Variants in PLA2R1 observed in about 807,000 individuals in gnomAD.
PLA2R1 encodes the protein phospholipase A2 receptor 1.
In PLA2R1, 158 loss-of-function variants were observed where a neutral mutation model predicts 195.9. The observed-to-expected ratio is 0.81, with a 90% confidence interval of 0.71 to 0.92. The LOEUF (loss-of-function observed/expected upper bound fraction) is 0.92, where lower values mean the gene tolerates loss of function less well. Ranked by LOEUF, PLA2R1 falls within the 40% of genes least tolerant of loss-of-function variation. PLA2R1 has a pLI of 0.00. For missense variants in PLA2R1, 1,626 were observed against 1,764.6 expected (o/e 0.92, Z 1.41); for synonymous variants, 586 against 598.2 (o/e 0.98, Z 0.30).
At chr2:159,957,130 G>A (rs1452571255) in intron 20 of PLA2R1, among the ~76,000 whole-genome samples, 1 of 152,128 alleles carries the variant, frequency 6.6e-6, no homozygotes, top group African/African-American at 2.4e-5. Context: ...CAGCCATTTG[G>A]TCACTAAGTC....
intron 20 of PLA2R1, among the ~76,000 whole-genome samples, chr2:159,961,114 A>G (rs1688406165): frequency 6.6e-6 from 1 of 152,168 alleles, no homozygotes; most frequent in South Asian, 2.1e-4. Flanking sequence ...TCTCAAAAAT[A>G]TTTCCCTTTT....
chr2:159,976,481 T>A lies in PLA2R1; in HGVS notation c.2437+204A>T, dbSNP rs371603897. On this transcript the variant is annotated intron_variant, in intron 16 of 29. Coordinates refer to ENST00000283243, the MANE Select transcript of PLA2R1 (RefSeq NM_007366.5). The stretch of plus-strand genomic sequence containing the variant: ...GTACATATTCTAAAATCGCATGTCA[T>A]GAAAATGATTGATGATACTAGTCCT... 2.6e-5 allele frequency among the ~76,000 whole-genome samples: 4 copies of A among 152,296 alleles called. 1 individual carries two copies. The highest frequency in any genetic ancestry group is 9.6e-5 in the African/African-American group (4 of 41,564).
chr2:160,055,967 C>A (rs906167445), intron 1 of PLA2R1, among the ~76,000 whole-genome samples: 3 of 152,136 alleles, frequency 2.0e-5, no homozygotes, highest in South Asian at 4.2e-4. Context: ...CAGCTACCCC[C>A]CTTCCTCGCC....
intron 1 of PLA2R1, among the ~76,000 whole-genome samples, chr2:160,054,692 G>A (rs923477117): frequency 2.6e-5 from 4 of 152,070 alleles, no homozygotes; most frequent in Non-Finnish European, 5.9e-5. Flanking sequence ...TTTCTTGAGT[G>A]GCTTTATAAA....
chr2:160,050,576 C>T (rs1695156492), intron 1 of PLA2R1, among the ~76,000 whole-genome samples: 1 of 152,068 alleles, frequency 6.6e-6, no homozygotes, highest in African/African-American at 2.4e-5. Flanking sequence ...TGTTGCCAAA[C>T]ATTTTGAAGT....
At chr2:160,058,050 G>A (rs1018381656) in intron 1 of PLA2R1, among the ~76,000 whole-genome samples, 3 of 151,904 alleles carry the variant, frequency 2.0e-5, no homozygotes, top group South Asian at 2.1e-4. Flanking sequence ...GTCTGTGGTG[G>A]CTTTCTTCCC....
Position 159,977,270 on chromosome 2 carries a change from A to C in PLA2R1, c.2401+14T>G, listed in dbSNP as rs752340336. ...AAATCAAACATATAGCAAAGATCTT[A>C]CTACTATTTTTACCTCTTGGGATTT... On this transcript the variant is annotated intron_variant, in intron 15 of 29. Coordinates refer to ENST00000283243, the MANE Select transcript of PLA2R1 (RefSeq NM_007366.5). 8 of 1,593,782 alleles carry C rather than the reference A, an allele frequency of 5.0e-6. No homozygotes were observed. The South Asian group carries it at 7.8e-5, about 15-fold the overall frequency.
chr2:159,974,921 G>C (rs978306459), intron 17 of PLA2R1, among the ~76,000 whole-genome samples: 3 of 152,070 alleles, frequency 2.0e-5, no homozygotes, highest in Non-Finnish European at 4.4e-5. Flanking sequence ...CTCAAGCCTA[G>C]GATGCTTTAA....
chr2:160,048,966 A>G (rs1029351326), intron 1 of PLA2R1, among the ~76,000 whole-genome samples: 8 of 146,802 alleles, frequency 5.4e-5, no homozygotes, highest in Non-Finnish European at 1.0e-4. Flanking sequence ...TCAGCCTCCC[A>G]AGTAGCTGGG....
chr2:160,024,698 G>A (rs1693386334), intron 6 of PLA2R1, among the ~76,000 whole-genome samples: 1 of 152,142 alleles, frequency 6.6e-6, no homozygotes, highest in South Asian at 2.1e-4. Context: ...TGGCTGATGT[G>A]GTACCCTGCA....
chr2:160,041,998 T>C (rs1373421932), intron 3 of PLA2R1, 27 bp downstream of exon 3: 1 of 1,573,226 alleles, frequency 6.4e-7, no homozygotes, highest in East Asian at 2.2e-5. Flanking sequence ...ATTCATGACA[T>C]ATAGAGAAGA....
At chr2:160,023,530 C>A (rs531481786) in intron 6 of PLA2R1, among the ~76,000 whole-genome samples, 1 of 152,184 alleles carries the variant, frequency 6.6e-6, no homozygotes, top group Admixed American at 6.5e-5. Context: ...AAATTGTATA[C>A]CCCGTTCCCA....
At chr2:160,000,466 C>T (rs1221984538) in intron 11 of PLA2R1, among the ~76,000 whole-genome samples, 2 of 152,136 alleles carry the variant, frequency 1.3e-5, no homozygotes, top group South Asian at 2.1e-4. Flanking sequence ...GAAACAAATG[C>T]TAATTTTCAC....
chr2:160,005,636 A>G lies in PLA2R1; in HGVS notation c.1834+16T>C, dbSNP rs746019627. On this transcript the variant is annotated intron_variant, in intron 11 of 29. Coordinates refer to ENST00000283243, the MANE Select transcript of PLA2R1 (RefSeq NM_007366.5). The stretch of plus-strand genomic sequence containing the variant: ...AGAAAACAGGGAGGGTTGGTGATGC[A>G]GCACACTCTACTCACGCGGCTGGTG... The G allele has an allele frequency of 6.2e-7, 1 of 1,606,466 alleles. No homozygotes were observed. The highest frequency in any genetic ancestry group is 1.1e-5 in the South Asian group (1 of 90,486).
chr2:159,954,910 T>C (rs1443753900), intron 23 of PLA2R1, among the ~76,000 whole-genome samples: 1 of 152,176 alleles, frequency 6.6e-6, no homozygotes, highest in Non-Finnish European at 1.5e-5. Context: ...CCTGAACAGA[T>C]ACATAATCCC....
Position 160,022,729 on chromosome 2 carries a change from G to A in PLA2R1, c.1230C>T (p.Asn410=). 1 of 1,613,698 alleles carries A rather than the reference G, an allele frequency of 6.2e-7. No individual in the cohort carries two copies. The highest frequency in any genetic ancestry group is 1.7e-5 in the Admixed American group (1 of 59,988). The stretch of plus-strand genomic sequence containing the variant: ...ATGAGGTTATGTCTATTAATGCACT[G>A]TTATCAGCCTGACAAGAACGCAGAG... ...HEALRSCQAD[N]SALIDITSLA... Residue 410 remains asparagine, a synonymous_variant, in exon 7 of 30, where the codon AAC becomes AAT. Transcript: ENST00000283243.
intron 1 of PLA2R1, among the ~76,000 whole-genome samples, chr2:160,054,131 C>A (rs1462337395): frequency 1.3e-5 from 2 of 152,180 alleles, no homozygotes; most frequent in African/African-American, 4.8e-5. Context: ...CCCATCTGCA[C>A]AATGGGTTTA....
chr2:160,028,877 G>T lies in PLA2R1; in HGVS notation c.928C>A (p.Pro310Thr). The change falls in exon 5 of 30, where the codon CCG (proline) becomes ACG (threonine). Residue 310 changes from proline (P) to threonine (T), a missense_variant. Physicochemically the swap from Pro to Thr is conservative, Grantham distance 38. Transcript: ENST00000283243. ...GGGCTCCAATTCAGATAGTTGAGCG[G>T]CGTTCCATCAGACCACTGCCAGCCA... The part of the protein sequence containing the change: ...HAGWQWSDGT[P>T]LNYLNWSPEV... The T allele has an allele frequency of 6.2e-7, 1 of 1,612,306 alleles. No individual in the cohort carries two copies. Among genetic ancestry groups the T allele is most frequent in the East Asian group, 2.2e-5 (1 of 44,886 alleles).
chr2:160,025,741 G>T (rs1297515236), intron 6 of PLA2R1, among the ~76,000 whole-genome samples: 1 of 151,570 alleles, frequency 6.6e-6, no homozygotes, highest in Non-Finnish European at 1.5e-5. Flanking sequence ...AAAACAAGCA[G>T]AAAACAATGA....
Sources: allele counts gnomAD v4.1 joint callset (sites outside exome capture counted in the v4.1 genomes callset), GRCh38; gene constraint gnomAD v4.1.1; transcripts MANE v1.5; gene names NCBI Gene and HGNC (gene_info 2026-07-23, HGNC 2026-07-21).